Variants in CADM2 observed in about 807,000 individuals in gnomAD.
CADM2 encodes the protein cell adhesion molecule 2.
A neutral mutation model predicts 49.8 loss-of-function variants in CADM2; 12 were observed. The ratio of observed to expected loss-of-function variants is 0.24; its 90% CI spans 0.15 to 0.39. The LOEUF (loss-of-function observed/expected upper bound fraction) is 0.39, where lower values mean the gene tolerates loss of function less well. Ranked by LOEUF, CADM2 falls within the 10% of genes least tolerant of loss-of-function variation. CADM2 has a pLI of 1.00. For missense variants in CADM2, 378 were observed against 492.3 expected, an observed-to-expected ratio of 0.77 and a Z score of 2.20; for synonymous variants, 214 against 175.4, an observed-to-expected ratio of 1.22 and a Z score of -1.74.
chr3:85,540,335 C>A (rs2061510911), intron 1 of CADM2, among the ~76,000 whole-genome samples: 1 of 152,104 alleles, frequency 6.6e-6, no homozygotes, highest in Non-Finnish European at 1.5e-5. Flanking sequence ...TTTTTAGGTA[C>A]TGGGCTCTAT....
chr3:86,026,885 G>A (rs374002755), intron 8 of CADM2, among the ~76,000 whole-genome samples: 3 of 152,206 alleles, frequency 2.0e-5, no homozygotes, highest in South Asian at 4.1e-4. Flanking sequence ...AAATATATTG[G>A]TTCAAATATA....
At chr3:85,798,630 T>A (rs1460880180) in intron 2 of CADM2, among the ~76,000 whole-genome samples, 2 of 152,128 alleles carry the variant, frequency 1.3e-5, no homozygotes, top group African/African-American at 4.8e-5. Context: ...TGCTCTATAT[T>A]TCTGTTTTGG....
intron 1 of CADM2, among the ~76,000 whole-genome samples, chr3:84,968,543 A>G (rs1162865834): frequency 1.3e-4 from 20 of 152,072 alleles, no homozygotes; most frequent in Non-Finnish European, 1.5e-5. Context: ...TATAGCAAGC[A>G]GTTACTCACA....
chr3:85,991,477 A>G (rs966382463), intron 8 of CADM2, among the ~76,000 whole-genome samples: 2 of 152,174 alleles, frequency 1.3e-5, no homozygotes, highest in African/African-American at 4.8e-5. Context: ...ATAAAAAACA[A>G]TTTTTAAACA....
At chr3:85,893,359 G>C (rs1012428927) in intron 5 of CADM2, among the ~76,000 whole-genome samples, 4 of 152,060 alleles carry the variant, frequency 2.6e-5, no homozygotes, top group Non-Finnish European at 5.9e-5. Flanking sequence ...GATGGATTAA[G>C]GACTTAAATG....
At chr3:85,550,625 A>G (rs1439934221) in intron 1 of CADM2, among the ~76,000 whole-genome samples, 2 of 152,166 alleles carry the variant, frequency 1.3e-5, no homozygotes, top group Non-Finnish European at 2.9e-5. Flanking sequence ...TATTCTTTAT[A>G]TTTCCTAAAT....
chr3:85,111,600 T>A (rs2038460598), intron 1 of CADM2, among the ~76,000 whole-genome samples: 1 of 151,772 alleles, frequency 6.6e-6, no homozygotes, highest in East Asian at 1.9e-4. Flanking sequence ...TGTAGAAAGA[T>A]GAGGCTGGAA....
In CADM2 at chr3:85,558,540, T is replaced by C. The variant is rs191618941; in HGVS notation, c.62-167982T>C. 6.6e-5 allele frequency among the ~76,000 whole-genome samples: 10 copies of C among 152,172 alleles called. No individual in the cohort carries two copies. In the East Asian group the frequency reaches 1.9e-3, roughly 29 times the overall value. On this transcript the variant is annotated intron_variant, in intron 1 of 9. Transcript: ENST00000383699. ...AAATTTGAACTCTGCAAAATGACAT[T>C]TATGGTTCTGATAATGCCATCATTT...
chr3:85,327,554 C>CCA (rs71108276), intron 1 of CADM2, among the ~76,000 whole-genome samples: 6,669 of 137,112 alleles, frequency 0.049, 202 homozygotes, highest in Admixed American at 0.084. Context: ...CCATGCCCGG[C>CCA]CACACACACA....
At chr3:85,560,033 C>G (rs1184239262) in intron 1 of CADM2, among the ~76,000 whole-genome samples, 1 of 152,064 alleles carries the variant, frequency 6.6e-6, no homozygotes, top group Non-Finnish European at 1.5e-5. Context: ...ATTCCAATTT[C>G]AAGAATTAAT....
At chr3:85,463,447 G>T (rs1259522535) in intron 1 of CADM2, among the ~76,000 whole-genome samples, 1 of 152,210 alleles carries the variant, frequency 6.6e-6, no homozygotes, top group African/African-American at 2.4e-5. Flanking sequence ...GGTGATTCTT[G>T]ATCAGGAATT....
intron 1 of CADM2, among the ~76,000 whole-genome samples, chr3:85,562,547 A>C (rs2107186208): frequency 6.6e-6 from 1 of 151,510 alleles, no homozygotes; most frequent in Middle Eastern, 3.4e-3. Flanking sequence ...TATTTAGCAT[A>C]ATTCTGACAC....
intron 8 of CADM2, chr3:86,014,703 C>G: frequency 6.5e-7 from 1 of 1,528,056 alleles, no homozygotes; most frequent in Non-Finnish European, 8.8e-7. Flanking sequence ...ACCGGAGGAA[C>G]ACCATGCTGA....
At chr3:85,036,333 A>C (rs2107346044) in intron 1 of CADM2, among the ~76,000 whole-genome samples, 1 of 152,336 alleles carries the variant, frequency 6.6e-6, no homozygotes, top group African/African-American at 2.4e-5. Flanking sequence ...GTTTTAAAAT[A>C]AACTAGATAA....
At chr3:85,010,043 T>G (rs548781116) in intron 1 of CADM2, among the ~76,000 whole-genome samples, 1 of 152,194 alleles carries the variant, frequency 6.6e-6, no homozygotes, top group South Asian at 2.1e-4. Context: ...AGTTACTTTT[T>G]TTTGCAAAAT....
chr3:85,471,116 A>G lies in CADM2; in HGVS notation c.62-255406A>G, dbSNP rs970298628. Among the ~76,000 whole-genome samples the G allele has an allele frequency of 2.0e-5, 3 of 152,110 alleles. 1 individual carries two copies. In the South Asian group the frequency reaches 6.2e-4, roughly 31 times the overall value. ...ACTATTTTAAAGCACTTGGAGTTTT[A>G]TGTCTGTCTTAAAATAGCCTAAAAG... On this transcript the variant is annotated intron_variant, in intron 1 of 9. Coordinates refer to ENST00000383699, the MANE Select transcript of CADM2 (RefSeq NM_001167675.2).
intron 1 of CADM2, among the ~76,000 whole-genome samples, chr3:85,684,057 G>A (rs2066121601): frequency 2.0e-5 from 3 of 152,114 alleles, no homozygotes; most frequent in Non-Finnish European, 2.9e-5. Context: ...ACCGATTGGT[G>A]GATCAGAAGT....
At chr3:85,661,754 A>C (rs2065413528) in intron 1 of CADM2, among the ~76,000 whole-genome samples, 1 of 152,108 alleles carries the variant, frequency 6.6e-6, no homozygotes, top group Non-Finnish European at 1.5e-5. Flanking sequence ...AATCTCAGGC[A>C]GCTTTACAAA....
chr3:84,964,117 G>C (rs979503291), intron 1 of CADM2, among the ~76,000 whole-genome samples: 2 of 152,130 alleles, frequency 1.3e-5, no homozygotes, highest in South Asian at 4.1e-4. Context: ...ACATGACAAA[G>C]CTAAGTATCA....
Sources: allele counts gnomAD v4.1 joint callset (sites outside exome capture counted in the v4.1 genomes callset), GRCh38; gene constraint gnomAD v4.1.1; transcripts MANE v1.5; gene names NCBI Gene and HGNC (gene_info 2026-07-23, HGNC 2026-07-21).